Variants in TYRP1 observed in about 807,000 individuals in gnomAD.
TYRP1 encodes the protein 5,6-dihydroxyindole-2-carboxylic acid oxidase.
Under a neutral mutation model 42.8 loss-of-function variants are expected in TYRP1, and 49 were observed. That is an observed-to-expected ratio of 1.14 (90% CI 0.91 to 1.45). The LOEUF is 1.45. Among genes scored for constraint, TYRP1 ranks in the 40% most tolerant of loss-of-function variants. TYRP1 has a pLI of 0.00. For synonymous variants in TYRP1, 279 were observed against 235.4 expected, an observed-to-expected ratio of 1.19 and a Z score of -1.69; for missense variants, 848 against 662.0, an observed-to-expected ratio of 1.28 and a Z score of -3.08.
rs1818307737 is a variant in TYRP1 at position 12,708,963 on chromosome 9, T to G, written c.1409-14T>G. 1 of 1,608,334 alleles carries G rather than the reference T, an allele frequency of 6.2e-7. No individual in the cohort carries two copies. The highest frequency in any genetic ancestry group is 8.5e-7 in the Non-Finnish European group (1 of 1,175,680). The stretch of plus-strand genomic sequence containing the variant: ...AATATTTGTCTTTTTATTTTTATCT[T>G]CCTTTCCAAATAGGTCGGGAGTTTA... On this transcript the variant is annotated splice_polypyrimidine_tract_variant and intron_variant, in intron 7 of 7. Transcript: ENST00000388918.
intron 3 of TYRP1, among the ~76,000 whole-genome samples, chr9:12,696,932 A>G (rs1275570793): frequency 1.3e-5 from 2 of 151,950 alleles, no homozygotes; most frequent in Non-Finnish European, 2.9e-5. Context: ...ATGCTGTGCC[A>G]GCATTATTCC....
In TYRP1 at chr9:12,702,359, T is replaced by A. The variant is rs761970281; in HGVS notation, c.1002T>A (p.Ala334=). 1 of 1,613,036 alleles carries A rather than the reference T, an allele frequency of 6.2e-7. No homozygotes were observed. Among genetic ancestry groups the A allele is most frequent in the Non-Finnish European group, 8.5e-7 (1 of 1,179,512 alleles). Residue 334 remains alanine (A), a synonymous_variant, in exon 5 of 8, where the codon GCT becomes GCA. Transcript: ENST00000388918. ...VQRLPEPQDV[A]QCLEVGLFDT... is the part of the protein sequence containing the mutation. ...GTCTTCCTGAACCACAGGATGTCGCTCAGTGCTTGGAAGTTGGTTTATTTG... is the reference window on the plus strand; with the variant it reads ...GTCTTCCTGAACCACAGGATGTCGCACAGTGCTTGGAAGTTGGTTTATTTG...
At position 12,709,886 on chromosome 9, in the gene TYRP1, C is replaced by T. The variant is rs920009112; in HGVS notation, c.*704C>T. The T allele has an allele frequency of 1.3e-5, 2 of 152,560 alleles. No homozygotes were observed. The highest frequency in any genetic ancestry group is 2.9e-5 in the Non-Finnish European group (2 of 68,470). The allele number at this position is 152,560 out of a possible 1,614,324, so 9.5% of individuals were successfully genotyped here. A position where few individuals can be genotyped will look rare whatever the true frequency, so the allele number is the denominator to read the frequency against. On this transcript the variant is annotated 3_prime_UTR_variant, in exon 8 of 8. Transcript: ENST00000388918. Reference sequence around the variant, plus strand: ...CACTGTGTTTCCCTGCCTCTCAATTCGCTGAAAAAGGAACTACCTATCCTT... The same window carrying T: ...CACTGTGTTTCCCTGCCTCTCAATTTGCTGAAAAAGGAACTACCTATCCTT...
At chr9:12,694,762 T>G (rs1818049584) in intron 2 of TYRP1, among the ~76,000 whole-genome samples, 1 of 152,204 alleles carries the variant, frequency 6.6e-6, no homozygotes, top group South Asian at 2.1e-4. Flanking sequence ...CATGCTGAGA[T>G]CTACCTAGCC....
At chr9:12,698,033 T>G (rs959668770) in intron 3 of TYRP1, among the ~76,000 whole-genome samples, 1 of 152,168 alleles carries the variant, frequency 6.6e-6, no homozygotes, top group Non-Finnish European at 1.5e-5. Flanking sequence ...AGGCTGGATC[T>G]GGCTCCAGAC....
At chr9:12,705,469 G>C (rs866505812) in intron 6 of TYRP1, among the ~76,000 whole-genome samples, 1 of 152,004 alleles carries the variant, frequency 6.6e-6, no homozygotes, top group Non-Finnish European at 1.5e-5. Flanking sequence ...TCATTTCTAT[G>C]TGTGTATGTG....
intron 1 of TYRP1, among the ~76,000 whole-genome samples, 192 bp from the exon 2 acceptor site, chr9:12,693,720 G>T (rs1818030313): frequency 6.6e-6 from 1 of 151,002 alleles, no homozygotes. Context: ...AATTATTTGG[G>T]TATCACACAT....
chr9:12,694,630 G>A, intron 2 of TYRP1: 1 of 549,606 alleles, frequency 1.8e-6, no homozygotes. Context: ...TATATCCTAG[G>A]AACTGTGTTA....
At position 12,704,645 on chromosome 9, in the gene TYRP1, G is replaced by GTCC; in HGVS notation, c.1206_1208dup (p.Leu403dup). 6.2e-7 allele frequency: 1 copy of GTCC among 1,612,990 alleles called. No individual in the cohort carries two copies. The highest frequency in any genetic ancestry group is 2.2e-5 in the East Asian group (1 of 44,814). On this transcript the variant is annotated inframe_insertion, in exon 6 of 8. Transcript: ENST00000388918. ...TTTGTCTCCAAATGATCCTATTTTT[G>GTCC]TCCTCCTGCACACCTTCACAGATGC...
In TYRP1 at chr9:12,704,049, C is replaced by CA. The variant is rs200058497; in HGVS notation, c.1082-471dup. 6.5e-3 allele frequency among the ~76,000 whole-genome samples: 993 copies of CA among 151,858 alleles called. 2 individuals are homozygous for CA. The highest frequency in any genetic ancestry group is 9.7e-3 in the Non-Finnish European group (660 of 67,886). ...GCCCTGAGGAATTGTAGCTTCCCCACAAAAAATAGTTTTCCAAAAATAAAC... is the reference window on the plus strand; with the variant it reads ...GCCCTGAGGAATTGTAGCTTCCCCACAAAAAAATAGTTTTCCAAAAATAAAC... On this transcript the variant is annotated intron_variant, in intron 5 of 7. Coordinates refer to ENST00000388918, the MANE Select transcript of TYRP1 (RefSeq NM_000550.3).
intron 2 of TYRP1, 44 bp downstream of exon 2, chr9:12,694,425 CA>C: frequency 6.2e-7 from 1 of 1,606,508 alleles, no homozygotes; most frequent in Non-Finnish European, 8.5e-7. Context: ...GCATGAGACT[CA>C]AGGCTCTTAA....
chr9:12,709,690 A>C lies in TYRP1; in HGVS notation c.*508A>C, dbSNP rs1269309061. ...TTATAAACCAATGAAATTTTGATTA[A>C]CCTTTTCAAATTAATGTTCCAGTTT... On this transcript the variant is annotated 3_prime_UTR_variant, in exon 8 of 8. Transcript: ENST00000388918. The C allele has an allele frequency of 6.2e-6, 1 of 161,700 alleles. No homozygotes were observed. The highest frequency in any genetic ancestry group is 2.4e-5 in the African/African-American group (1 of 41,496). 10.0% of individuals were successfully genotyped at this position (161,700 alleles called of 1,614,324 possible).
chr9:12,709,537 T>C lies in TYRP1; in HGVS notation c.*355T>C, dbSNP rs563254106. 4.2e-6 allele frequency: 1 copy of C among 237,150 alleles called. No homozygotes were observed. The highest frequency in any genetic ancestry group is 2.2e-5 in the African/African-American group (1 of 44,710). The allele number at this position is 237,150 out of a possible 1,614,324, so 14.7% of individuals were successfully genotyped here. ...GGAAAATAATGTTTGATAGTAAATGTCCACTTAAAATACATGAATGGGCAT... is the reference window on the plus strand; with the variant it reads ...GGAAAATAATGTTTGATAGTAAATGCCCACTTAAAATACATGAATGGGCAT... On this transcript the variant is annotated 3_prime_UTR_variant, in exon 8 of 8. Coordinates refer to ENST00000388918, the MANE Select transcript of TYRP1 (RefSeq NM_000550.3).
At chr9:12,704,888 T>C (rs1818233809) in intron 6 of TYRP1, among the ~76,000 whole-genome samples, 183 bp downstream of exon 6, 1 of 152,014 alleles carries the variant, frequency 6.6e-6, no homozygotes, top group African/African-American at 2.4e-5. Context: ...AAGAAGTCTC[T>C]CCAAATAGTT....
chr9:12,708,250 T>A, intron 7 of TYRP1, 107 bp downstream of exon 7: 1 of 1,373,430 alleles, frequency 7.3e-7, no homozygotes, highest in South Asian at 1.2e-5. Flanking sequence ...CCATTTGGAC[T>A]TGGAAACTTT....
intron 6 of TYRP1, among the ~76,000 whole-genome samples, chr9:12,706,345 A>C (rs567149885): frequency 6.6e-6 from 1 of 152,150 alleles, no homozygotes; most frequent in South Asian, 2.1e-4. Context: ...TATGAAAGAA[A>C]GGAAAGATAT....
At chr9:12,707,760 C>A in intron 6 of TYRP1, 1 of 415,632 alleles carries the variant, frequency 2.4e-6, no homozygotes, top group Non-Finnish European at 4.2e-6. Context: ...ACTAAAACTC[C>A]CCTGCTTTTA....
Position 12,709,555 on chromosome 9 carries a change from A to G in TYRP1, c.*373A>G, listed in dbSNP as rs868653868. On this transcript the variant is annotated 3_prime_UTR_variant, in exon 8 of 8. Transcript: ENST00000388918. ...GTAAATGTCCACTTAAAATACATGA[A>G]TGGGCATTTCTAAAATGTTAAAACA... is the stretch of plus-strand genomic sequence containing the variant. The G allele has an allele frequency of 1.4e-5, 3 of 210,828 alleles. No individual in the cohort carries two copies. The highest frequency in any genetic ancestry group is 4.6e-5 in the African/African-American group (2 of 43,530). The allele number at this position is 210,828 out of a possible 1,614,324, so 13.1% of individuals were successfully genotyped here.
rs1586842744 is a variant in TYRP1, at chr9:12,698,775, G to C, written c.913+120G>C. 3 of 951,632 alleles carry C rather than the reference G, an allele frequency of 3.2e-6. No homozygotes were observed. In the East Asian group the frequency reaches 7.8e-5, roughly 25 times the overall value. 58.9% of individuals were successfully genotyped at this position (951,632 alleles called of 1,614,324 possible). A position where few individuals can be genotyped will look rare whatever the true frequency, so the allele number is the denominator to read the frequency against. On this transcript the variant is annotated intron_variant, in intron 4 of 7. Transcript: ENST00000388918. ...CAGACTAAAATCTACTTTTATTATA[G>C]AGTAACAGTGTACCAGGCATTCATT...
Sources: gnomAD v4.1 joint callset for allele counts (sites outside exome capture counted in the v4.1 genomes callset) on GRCh38, gnomAD v4.1.1 for gene constraint, MANE v1.5 for transcripts, NCBI Gene and HGNC (gene_info 2026-07-23, HGNC 2026-07-21) for gene names.